SMC5: variants seen among roughly 807,000 people sequenced by gnomAD.
The protein encoded by SMC5 is structural maintenance of chromosomes protein 5.
In SMC5, 88 loss-of-function variants were observed where a neutral mutation model predicts 148.3. The observed-to-expected ratio is 0.59, with a 90% CI of 0.50 to 0.71. SMC5 has a LOEUF of 0.71. Ranked by LOEUF, SMC5 falls within the 30% of genes least tolerant of loss-of-function variation. The probability of loss-of-function intolerance (pLI) is 0.00; values close to 1 mark genes in which losing one functional copy is unlikely to be tolerated. For synonymous variants in SMC5, 421 were observed against 432.8 expected (o/e 0.97, Z 0.34); for missense variants, 1,142 against 1,298.9 (o/e 0.88, Z 1.86).
In SMC5 at chr9:70,300,134, T is replaced by C. The variant is rs755799093; in HGVS notation, c.1398T>C (p.Ala466=). The C allele has an allele frequency of 6.2e-7, 1 of 1,603,332 alleles. No individual in the cohort carries two copies. Among genetic ancestry groups the C allele is most frequent in the Non-Finnish European group, 8.5e-7 (1 of 1,177,130 alleles). ...LRQRFRDTYD[A]VLWLRNNRDK... ...AGAGATTCCGTGACACGTATGATGCTGTTTTATGGCTAAGAAATAACAGAG... is the reference window on the plus strand; with the variant it reads ...AGAGATTCCGTGACACGTATGATGCCGTTTTATGGCTAAGAAATAACAGAG... The change falls in exon 10 of 25, where the codon GCT becomes GCC. Residue 466 remains alanine, a synonymous_variant. Transcript: ENST00000361138.
chr9:70,347,221 A>G lies in SMC5; in HGVS notation c.2664+60A>G, dbSNP rs923137398. On this transcript the variant is annotated intron_variant, in intron 20 of 24. Coordinates refer to ENST00000361138, the MANE Select transcript of SMC5 (RefSeq NM_015110.4). ...ACCACCACCACCACCCTCCCCATAC[A>G]CACACATACACACACAGAGTTCCCT... The G allele has an allele frequency of 1.2e-5, 15 of 1,291,784 alleles. 1 individual carries two copies. The African/African-American group carries it at 1.6e-4, about 14-fold the overall frequency. The allele number at this position is 1,291,784 out of a possible 1,614,324, so 80.0% of individuals were successfully genotyped here. A position where few individuals can be genotyped will look rare whatever the true frequency, so the allele number is the denominator to read the frequency against.
At chr9:70,337,320 A>G (rs1318759576) in intron 17 of SMC5, among the ~76,000 whole-genome samples, 1 of 152,176 alleles carries the variant, frequency 6.6e-6, no homozygotes, top group Non-Finnish European at 1.5e-5. Flanking sequence ...ACTGTAACCC[A>G]CACCTGACAC....
chr9:70,266,314 T>A (rs1453960343), intron 2 of SMC5, among the ~76,000 whole-genome samples: 1 of 152,182 alleles, frequency 6.6e-6, no homozygotes, highest in Non-Finnish European at 1.5e-5. Context: ...TTTTCTCTGT[T>A]AATAACTAGC....
At chr9:70,294,103 TGATA>T (rs1197750522) in intron 8 of SMC5, among the ~76,000 whole-genome samples, 5 of 151,974 alleles carry the variant, frequency 3.3e-5, no homozygotes, top group African/African-American at 4.8e-5. Context: ...GTAGGTAAAG[TGATA>T]GATTTAAAAG....
chr9:70,314,269 C>A (rs1277607279), intron 11 of SMC5, among the ~76,000 whole-genome samples: 1 of 152,126 alleles, frequency 6.6e-6, no homozygotes, highest in African/African-American at 2.4e-5. Flanking sequence ...GGGAATGCCC[C>A]CAAGCCACAA....
At chr9:70,277,280 A>G (rs759152253) in intron 3 of SMC5, 30 bp from the exon 4 acceptor site, 3 of 1,419,676 alleles carry the variant, frequency 2.1e-6, no homozygotes, top group African/African-American at 1.5e-5. Flanking sequence ...TATTTTGAAT[A>G]TAAAGATTCT....
chr9:70,315,300 T>G, intron 12 of SMC5, 146 bp from the exon 13 acceptor site: 1 of 333,826 alleles, frequency 3.0e-6, no homozygotes, highest in Non-Finnish European at 4.7e-6. Flanking sequence ...ATATGTGATT[T>G]TAAAATATAA....
intron 17 of SMC5, among the ~76,000 whole-genome samples, 168 bp from the exon 18 acceptor site, chr9:70,343,970 TAAGTTC>T (rs975302204): frequency 6.6e-6 from 1 of 151,862 alleles, no homozygotes. Flanking sequence ...TTTTAAAGTT[TAAGTTC>T]AAGTTTAACC....
intron 11 of SMC5, among the ~76,000 whole-genome samples, chr9:70,312,377 G>A (rs996346443): frequency 2.6e-5 from 4 of 152,024 alleles, no homozygotes; most frequent in Non-Finnish European, 5.9e-5. Context: ...GGGGGAAACC[G>A]CCCCCATGAT....
At chr9:70,318,455 A>G in intron 13 of SMC5, 59 bp from the exon 14 acceptor site, 1 of 1,275,932 alleles carries the variant, frequency 7.8e-7, no homozygotes, top group South Asian at 1.9e-5. Context: ...TTTCTAATTT[A>G]GTACTTTAAA....
At chr9:70,312,286 GGA>G (rs943055085) in intron 11 of SMC5, among the ~76,000 whole-genome samples, 1 of 152,110 alleles carries the variant, frequency 6.6e-6, no homozygotes, top group Non-Finnish European at 1.5e-5. Flanking sequence ...CATGGCAGCA[GGA>G]GAGAGAGAGT....
chr9:70,290,909 G>A (rs1038899423), intron 8 of SMC5, among the ~76,000 whole-genome samples: 7 of 152,116 alleles, frequency 4.6e-5, no homozygotes, highest in African/African-American at 1.7e-4. Context: ...GTCCATTTCT[G>A]TACTTCCTCA....
intron 13 of SMC5, among the ~76,000 whole-genome samples, chr9:70,317,482 C>T (rs2118594433): frequency 6.6e-6 from 1 of 152,248 alleles, no homozygotes; most frequent in East Asian, 1.9e-4. Context: ...GTCATCCAGT[C>T]TATCCCTTTT....
chr9:70,310,048 A>G lies in SMC5; in HGVS notation c.1578+4688A>G, dbSNP rs533724119. Reference sequence around the variant, plus strand: ...TTTTTAGTAGAGATGGCATTTCACCATGTTGGCCAGGCTGGCCTCAAACTC... The same window carrying G: ...TTTTTAGTAGAGATGGCATTTCACCGTGTTGGCCAGGCTGGCCTCAAACTC... On this transcript the variant is annotated intron_variant, in intron 11 of 24. Coordinates refer to ENST00000361138, the MANE Select transcript of SMC5 (RefSeq NM_015110.4). 3.3e-5 allele frequency among the ~76,000 whole-genome samples: 5 copies of G among 152,190 alleles called. No individual in the cohort carries two copies. The East Asian group carries it at 5.8e-4, about 18-fold the overall frequency.
intron 17 of SMC5, among the ~76,000 whole-genome samples, chr9:70,340,604 T>C (rs982760301): frequency 4.6e-5 from 7 of 152,138 alleles, no homozygotes; most frequent in African/African-American, 1.7e-4. Context: ...TGTGTTAATT[T>C]ACAGCTAATG....
intron 10 of SMC5, among the ~76,000 whole-genome samples, chr9:70,301,880 C>T (rs2035366616): frequency 6.6e-6 from 1 of 151,962 alleles, no homozygotes; most frequent in Non-Finnish European, 1.5e-5. Flanking sequence ...AATCATAAAG[C>T]AGAAAGATGC....
intron 3 of SMC5, among the ~76,000 whole-genome samples, chr9:70,276,869 A>G (rs1452743629): frequency 6.6e-6 from 1 of 152,196 alleles, no homozygotes; most frequent in Admixed American, 6.5e-5. Flanking sequence ...ATTTCTGGAA[A>G]TGCCACGAGT....
chr9:70,344,918 A>G (rs1021616763), intron 18 of SMC5, among the ~76,000 whole-genome samples: 13 of 152,138 alleles, frequency 8.5e-5, no homozygotes, highest in Non-Finnish European at 1.5e-4. Context: ...AATGTTATCT[A>G]TTTCAGTAGA....
chr9:70,263,864 T>C (rs1029162671), intron 1 of SMC5, among the ~76,000 whole-genome samples: 1 of 152,198 alleles, frequency 6.6e-6, no homozygotes, highest in Admixed American at 6.5e-5. Context: ...AAAAATCTGC[T>C]TAGATTGTTT....
Sources: allele counts gnomAD v4.1 joint callset (sites outside exome capture counted in the v4.1 genomes callset), GRCh38; gene constraint gnomAD v4.1.1; transcripts MANE v1.5; gene names NCBI Gene and HGNC (gene_info 2026-07-23, HGNC 2026-07-21).